Variants in PHACTR3 observed in about 807,000 individuals in gnomAD.
The protein encoded by PHACTR3 is phosphatase and actin regulator 3, also known as protein phosphatase 1, regulatory subunit 123.
A neutral mutation model predicts 66.8 loss-of-function variants in PHACTR3; 16 were observed. The ratio of observed to expected loss-of-function variants is 0.24; its 90% CI spans 0.16 to 0.36. The LOEUF is 0.36. PHACTR3 is among the 10% of genes least tolerant of loss of function. The pLI, the probability that PHACTR3 is intolerant of heterozygous loss-of-function variation, is 1.00. For missense variants in PHACTR3, 647 were observed against 719.9 expected (o/e 0.90, Z 1.16); for synonymous variants, 323 against 292.1 (o/e 1.11, Z -1.08).
Position 59,682,505 on chromosome 20 carries a change from G to A in PHACTR3, c.119-60602G>A, listed in dbSNP as rs138756450. ...TGCTAGTGGGAGAGGACAATGAACG[G>A]CACCTATAACCAGTAGGGGATCGTC... On this transcript the variant is annotated intron_variant, in intron 1 of 12. Coordinates refer to ENST00000371015, the MANE Select transcript of PHACTR3 (RefSeq NM_080672.5). Among the ~76,000 whole-genome samples, 739 of 152,320 alleles carry A rather than the reference G, an allele frequency of 4.9e-3. 23 individuals carry two copies. Among genetic ancestry groups the A allele is most frequent in the Admixed American group, 0.042 (647 of 15,300 alleles).
intron 3 of PHACTR3, among the ~76,000 whole-genome samples, chr20:59,752,802 G>T (rs1176138026): frequency 6.6e-6 from 1 of 152,206 alleles, no homozygotes; most frequent in Non-Finnish European, 1.5e-5. Flanking sequence ...GTCCATAACT[G>T]CAAGTGGTGG....
chr20:59,697,660 G>A (rs2037349241), intron 1 of PHACTR3, among the ~76,000 whole-genome samples: 1 of 152,130 alleles, frequency 6.6e-6, no homozygotes, highest in Admixed American at 6.5e-5. Flanking sequence ...CACAAGCTAA[G>A]AAAGGAGCAG....
intron 1 of PHACTR3, among the ~76,000 whole-genome samples, chr20:59,616,476 A>G (rs2034029514): frequency 6.6e-6 from 1 of 152,204 alleles, no homozygotes; most frequent in African/African-American, 2.4e-5. Context: ...TTCACCCTGT[A>G]CTGCCCTGGA....
intron 8 of PHACTR3, among the ~76,000 whole-genome samples, chr20:59,813,921 G>A (rs541752029): frequency 1.2e-4 from 18 of 152,314 alleles, no homozygotes; most frequent in East Asian, 3.9e-4. Context: ...GTGTCACATC[G>A]TCCCCTGCTG....
intron 1 of PHACTR3, among the ~76,000 whole-genome samples, chr20:59,579,309 A>G (rs550204589): frequency 5.9e-4 from 90 of 152,358 alleles, no homozygotes; most frequent in Admixed American, 2.2e-3. Flanking sequence ...GATGGATGGC[A>G]GGGCTCAGCC....
At chr20:59,784,391 G>A (rs1420851625) in intron 7 of PHACTR3, among the ~76,000 whole-genome samples, 1 of 152,126 alleles carries the variant, frequency 6.6e-6, no homozygotes, top group Admixed American at 6.5e-5. Flanking sequence ...ATATGTGTGT[G>A]TGGTGTGTGT....
At chr20:59,734,511 G>C (rs1457051375) in intron 1 of PHACTR3, among the ~76,000 whole-genome samples, 1 of 152,074 alleles carries the variant, frequency 6.6e-6, no homozygotes, top group Non-Finnish European at 1.5e-5. Context: ...TCCTGCATTG[G>C]CTTCCCAAGC....
chr20:59,672,843 G>A (rs191336290), intron 1 of PHACTR3, among the ~76,000 whole-genome samples: 5 of 152,328 alleles, frequency 3.3e-5, no homozygotes, highest in Non-Finnish European at 7.3e-5. Flanking sequence ...TTGCCCTTTG[G>A]TGTATGGACT....
rs56059303 is a variant in PHACTR3 at position 59,593,330 on chromosome 20, G to A, written c.109+15713G>A. 5.7e-3 allele frequency among the ~76,000 whole-genome samples: 862 copies of A among 152,186 alleles called. 8 individuals carry two copies. The highest frequency in any genetic ancestry group is 0.02 in the African/African-American group (810 of 41,516). On this transcript the variant is annotated intron_variant, in intron 1 of 12. Transcript: ENST00000359926. ...GATGGGTGATCTATTCAGGCTTTTG[G>A]CCCATTTTCAAATCAAATTGTTCAT...
Position 59,622,424 on chromosome 20 carries a change from C to T in PHACTR3, c.118+17292C>T, listed in dbSNP as rs180950733. On this transcript the variant is annotated intron_variant, in intron 1 of 12. Coordinates refer to ENST00000371015, the MANE Select transcript of PHACTR3 (RefSeq NM_080672.5). Reference sequence around the variant, plus strand: ...TATGAGTTCCAGATGAGGCACGTGACCTTTGCAGGATTTTAACATTACAGT... The same window carrying T: ...TATGAGTTCCAGATGAGGCACGTGATCTTTGCAGGATTTTAACATTACAGT... 9.2e-5 allele frequency among the ~76,000 whole-genome samples: 14 copies of T among 152,240 alleles called. 1 individual carries two copies. The East Asian group carries it at 2.5e-3, about 27-fold the overall frequency.
chr20:59,596,093 T>C (rs2033320478), intron 1 of PHACTR3, among the ~76,000 whole-genome samples: 2 of 152,196 alleles, frequency 1.3e-5, no homozygotes, highest in Non-Finnish European at 2.9e-5. Flanking sequence ...GTAGCTATTC[T>C]CTGCAGTCTA....
intron 1 of PHACTR3, among the ~76,000 whole-genome samples, chr20:59,665,440 G>A (rs1461930875): frequency 6.6e-6 from 1 of 152,180 alleles, no homozygotes; most frequent in Non-Finnish European, 1.5e-5. Flanking sequence ...ACATCATCTG[G>A]GGATACTTAA....
chr20:59,814,610 G>A (rs920520494), intron 8 of PHACTR3, among the ~76,000 whole-genome samples: 8 of 152,178 alleles, frequency 5.3e-5, no homozygotes, highest in East Asian at 3.9e-4. Context: ...TGTTTTATAC[G>A]GTCCTGTACT....
intron 1 of PHACTR3, among the ~76,000 whole-genome samples, chr20:59,612,586 A>G (rs1457321295): frequency 1.3e-5 from 2 of 152,108 alleles, no homozygotes; most frequent in African/African-American, 2.4e-5. Flanking sequence ...GGGATTCACT[A>G]TGCTGACCAG....
At chr20:59,718,799 G>T (rs550028003) in intron 1 of PHACTR3, among the ~76,000 whole-genome samples, 1 of 152,202 alleles carries the variant, frequency 6.6e-6, no homozygotes, top group Non-Finnish European at 1.5e-5. Flanking sequence ...TTTTAAAAAG[G>T]GTGTCAACAT....
chr20:59,814,342 G>C (rs1022129774), intron 8 of PHACTR3, among the ~76,000 whole-genome samples: 2 of 152,178 alleles, frequency 1.3e-5, no homozygotes, highest in Non-Finnish European at 2.9e-5. Flanking sequence ...TGAGGGAGGA[G>C]GGCCTGCCAG....
intron 7 of PHACTR3, among the ~76,000 whole-genome samples, chr20:59,796,510 T>A (rs2426840): frequency 0.97 from 146,813 of 152,092 alleles, 70,882 homozygotes; most frequent in East Asian, 1. Flanking sequence ...CTGGTTGAAG[T>A]ACTCTCTTGA....
chr20:59,764,106 A>G (rs868826261), intron 4 of PHACTR3, among the ~76,000 whole-genome samples: 7 of 152,204 alleles, frequency 4.6e-5, no homozygotes, highest in Admixed American at 1.3e-4. Context: ...CAACCTGTCA[A>G]TAGCTCAGAG....
At chr20:59,679,141 A>G (rs1443325948) in intron 1 of PHACTR3, among the ~76,000 whole-genome samples, 1 of 152,244 alleles carries the variant, frequency 6.6e-6, no homozygotes, top group Non-Finnish European at 1.5e-5. Context: ...GTGGAGCAGG[A>G]GATTTTCAGT....
Sources: gnomAD v4.1 joint callset for allele counts (sites outside exome capture counted in the v4.1 genomes callset) on GRCh38, gnomAD v4.1.1 for gene constraint, MANE v1.5 for transcripts, NCBI Gene and HGNC (gene_info 2026-07-23, HGNC 2026-07-21) for gene names.